Variants in PHTF2 observed in about 807,000 individuals in gnomAD.
The protein encoded by PHTF2 is protein PHTF2.
Under a neutral mutation model 101.2 loss-of-function variants are expected in PHTF2, and 60 were observed. The observed-to-expected ratio is 0.59, with a 90% CI of 0.48 to 0.73. PHTF2 has a LOEUF of 0.73. PHTF2 is among the 30% of genes least tolerant of loss of function. The probability of loss-of-function intolerance (pLI) is 0.00; values close to 1 mark genes in which losing one functional copy is unlikely to be tolerated. For synonymous variants in PHTF2, 311 were observed against 307.3 expected (o/e 1.01, Z -0.13); for missense variants, 747 against 908.7 (o/e 0.82, Z 2.29).
At chr7:77,915,745 G>A (rs999100875) in intron 9 of PHTF2, among the ~76,000 whole-genome samples, 1 of 152,042 alleles carries the variant, frequency 6.6e-6, no homozygotes, top group African/African-American at 2.4e-5. Context: ...CCTTGCCAAG[G>A]GTGTTGCTAA....
intron 11 of PHTF2, among the ~76,000 whole-genome samples, chr7:77,927,157 C>CAAA (rs869210694): frequency 0.15 from 5,393 of 36,284 alleles, 1,151 homozygotes; most frequent in East Asian, 0.36. Context: ...GACTCCATCT[C>CAAA]AAAAAAAAAA....
At chr7:77,872,553 T>G (rs1798606739) in intron 3 of PHTF2, among the ~76,000 whole-genome samples, 2 of 152,178 alleles carry the variant, frequency 1.3e-5, no homozygotes, top group Admixed American at 1.3e-4. Context: ...CCTTTGATGG[T>G]TGATTGCTGC....
rs542437896 is a variant in PHTF2, at chr7:77,831,133, ACTGG to A, written c.-35-9085_-35-9082del. On this transcript the variant is annotated intron_variant, in intron 1 of 19. Coordinates refer to ENST00000416283, the Ensembl canonical transcript of PHTF2. ...CTAGGCCTGCTTTGTGTATGTGGTG[ACTGG>A]CTATCCAACAAGCCATGAAACCTTC... 3.7e-4 allele frequency among the ~76,000 whole-genome samples: 56 copies of A among 152,356 alleles called. 1 individual carries two copies. The highest frequency in any genetic ancestry group is 2.9e-3 in the Admixed American group (45 of 15,308).
At chr7:77,838,609 A>T (rs1168857524) in intron 1 of PHTF2, among the ~76,000 whole-genome samples, 1 of 152,154 alleles carries the variant, frequency 6.6e-6, no homozygotes, top group Non-Finnish European at 1.5e-5. Context: ...TATATTATTT[A>T]TTGGTTACAA....
At chr7:77,830,367 A>G (rs751544755) in intron 1 of PHTF2, among the ~76,000 whole-genome samples, 1 of 152,202 alleles carries the variant, frequency 6.6e-6, no homozygotes, top group African/African-American at 2.4e-5. Context: ...AGGGTCCCCA[A>G]CCAGTTGGTC....
chr7:77,939,475 C>T (rs563741904), intron 13 of PHTF2, among the ~76,000 whole-genome samples: 133 of 149,748 alleles, frequency 8.9e-4, no homozygotes, highest in African/African-American at 3.0e-3. Flanking sequence ...TAGCTGGGGG[C>T]GGTGGTGTAT....
chr7:77,847,646 AATCAC>A (rs1460824590), intron 2 of PHTF2, among the ~76,000 whole-genome samples: 8 of 152,246 alleles, frequency 5.3e-5, no homozygotes, highest in Non-Finnish European at 8.8e-5. Flanking sequence ...ACAAACATAT[AATCAC>A]ATCACTGTAA....
chr7:77,812,158 T>C (rs1786694351), intron 1 of PHTF2, among the ~76,000 whole-genome samples: 1 of 152,114 alleles, frequency 6.6e-6, no homozygotes, highest in Non-Finnish European at 1.5e-5. Flanking sequence ...GAAGAACAGG[T>C]GAAGGAGCTG....
chr7:77,915,887 T>C (rs781092197), intron 9 of PHTF2, among the ~76,000 whole-genome samples: 4 of 152,160 alleles, frequency 2.6e-5, no homozygotes, highest in Non-Finnish European at 2.9e-5. Context: ...TCATGGTGTT[T>C]GGGTTGATCT....
intron 8 of PHTF2, chr7:77,909,785 T>C (rs1297218614): frequency 6.5e-6 from 1 of 153,758 alleles, no homozygotes; most frequent in Non-Finnish European, 1.4e-5. Context: ...AGGTCCTCTT[T>C]TGAATATCAT....
chr7:77,875,537 TTTATTTA>T (rs1157867348), intron 3 of PHTF2, among the ~76,000 whole-genome samples: 1 of 150,268 alleles, frequency 6.7e-6, no homozygotes, highest in Non-Finnish European at 1.5e-5. Flanking sequence ...GTAATATTTA[TTTATTTA>T]TTTATTTATT....
intron 10 of PHTF2, among the ~76,000 whole-genome samples, chr7:77,920,914 G>A (rs1803400720): frequency 6.6e-6 from 1 of 152,068 alleles, no homozygotes; most frequent in African/African-American, 2.4e-5. Flanking sequence ...CGAACTTCTG[G>A]ACTCAAGCAG....
intron 8 of PHTF2, 106 bp downstream of exon 7, chr7:77,909,064 T>C: frequency 1.6e-6 from 1 of 640,132 alleles, no homozygotes; most frequent in East Asian, 3.1e-5. Flanking sequence ...TCTTGTAAGG[T>C]TGCTGTTTCA....
chr7:77,915,100 T>TG (rs200800306), intron 9 of PHTF2, among the ~76,000 whole-genome samples: 3,181 of 150,984 alleles, frequency 0.021, 92 homozygotes, highest in African/African-American at 0.073. Flanking sequence ...TTAGTAGAGG[T>TG]GGGGTTTCAC....
At position 77,895,131 on chromosome 7, in the gene PHTF2, A is replaced by G. The variant is rs57452170; in HGVS notation, c.216+1138A>G. ...ACATTTAGAATTCTGTTATAGAAAT[A>G]TCTATTTGGTACTTGGGAGGGACAT... On this transcript the variant is annotated intron_variant, in intron 5 of 19. Transcript: ENST00000416283. The G allele has an allele frequency of 2.2e-5, 10 of 455,694 alleles. No homozygotes were observed. The East Asian group carries it at 6.9e-4, about 32-fold the overall frequency. 28.2% of individuals were successfully genotyped at this position (455,694 alleles called of 1,614,324 possible).
intron 9 of PHTF2, among the ~76,000 whole-genome samples, chr7:77,912,884 C>T (rs983176963): frequency 2.6e-5 from 4 of 151,658 alleles, no homozygotes; most frequent in African/African-American, 9.7e-5. Context: ...AGGCATTTGC[C>T]ACCATGCCCA....
At chr7:77,806,138 G>GCACT (rs1390433344) in intron 1 of PHTF2, among the ~76,000 whole-genome samples, 1 of 150,800 alleles carries the variant, frequency 6.6e-6, no homozygotes, top group African/African-American at 2.5e-5. Flanking sequence ...TCGCACCATT[G>GCACT]CACTCTAGCC....
chr7:77,890,884 C>A (rs1245175503), intron 3 of PHTF2, among the ~76,000 whole-genome samples: 5 of 145,036 alleles, frequency 3.4e-5, no homozygotes, highest in Non-Finnish European at 1.5e-5. Context: ...GGATTACAGG[C>A]GTGAGCCACC....
intron 9 of PHTF2, among the ~76,000 whole-genome samples, chr7:77,915,379 T>G (rs1350743155): frequency 6.6e-6 from 1 of 151,892 alleles, no homozygotes; most frequent in Non-Finnish European, 1.5e-5. Flanking sequence ...GCCCAGCTAA[T>G]TTTTGTATTT....
Sources: gnomAD v4.1 joint callset for allele counts (sites outside exome capture counted in the v4.1 genomes callset) on GRCh38, gnomAD v4.1.1 for gene constraint, MANE v1.5 for transcripts, NCBI Gene and HGNC (gene_info 2026-07-23, HGNC 2026-07-21) for gene names.